STAG1: variants seen among roughly 807,000 people sequenced by gnomAD.
STAG1 encodes the protein STAG1 cohesin complex component.
STAG1 carries 26 observed loss-of-function variants against 170.9 expected under a neutral mutation model. The observed-to-expected ratio is 0.15, with a 90% CI of 0.11 to 0.21. The LOEUF (loss-of-function observed/expected upper bound fraction) is 0.21, where lower values mean the gene tolerates loss of function less well. STAG1 is among the 10% of genes least tolerant of loss of function. STAG1 has a pLI of 1.00. For synonymous variants in STAG1, 514 were observed against 497.7 expected, an observed-to-expected ratio of 1.03 and a Z score of -0.44; for missense variants, 964 against 1,509.5, an observed-to-expected ratio of 0.64 and a Z score of 5.99.
At chr3:136,479,083 T>C (rs1294277333) in intron 9 of STAG1, among the ~76,000 whole-genome samples, 1 of 151,102 alleles carries the variant, frequency 6.6e-6, no homozygotes, top group Non-Finnish European at 1.5e-5. Flanking sequence ...TTTTAATTTT[T>C]TTTTTTATTA....
intron 16 of STAG1, among the ~76,000 whole-genome samples, chr3:136,426,861 G>T (rs2088141037): frequency 6.6e-6 from 1 of 152,142 alleles, no homozygotes; most frequent in African/African-American, 2.4e-5. Flanking sequence ...GAGGTCAGGA[G>T]ATCGAGACCA....
intron 1 of STAG1, among the ~76,000 whole-genome samples, chr3:136,718,475 TA>T (rs1347501378): frequency 1.3e-5 from 2 of 152,224 alleles, no homozygotes; most frequent in Non-Finnish European, 2.9e-5. Flanking sequence ...TTTTAATCAT[TA>T]AACATTACAT....
chr3:136,573,492 C>T (rs752282541), intron 4 of STAG1, among the ~76,000 whole-genome samples: 7 of 151,892 alleles, frequency 4.6e-5, no homozygotes, highest in Admixed American at 1.3e-4. Flanking sequence ...ACAATGCAAA[C>T]CCATGGATAA....
chr3:136,598,812 T>G (rs1938546600), intron 4 of STAG1, among the ~76,000 whole-genome samples: 1 of 152,178 alleles, frequency 6.6e-6, no homozygotes, highest in African/African-American at 2.4e-5. Flanking sequence ...TACTGTGTAT[T>G]TCAACATTAA....
intron 4 of STAG1, chr3:136,586,761 G>T (rs778126377): frequency 6.8e-6 from 3 of 442,290 alleles, no homozygotes; most frequent in Admixed American, 2.4e-5. Flanking sequence ...ACTAACATGG[G>T]GAAGCAAGCA....
chr3:136,699,223 AAAAG>A (rs1337698022), intron 1 of STAG1, among the ~76,000 whole-genome samples: 4 of 152,336 alleles, frequency 2.6e-5, no homozygotes, highest in East Asian at 1.9e-4. Flanking sequence ...ATTGAAATAA[AAAAG>A]AAAGAATGAC....
At chr3:136,623,662 T>A (rs1939963317) in intron 2 of STAG1, among the ~76,000 whole-genome samples, 1 of 152,138 alleles carries the variant, frequency 6.6e-6, no homozygotes, top group African/African-American at 2.4e-5. Context: ...GTTATAAGTA[T>A]TAAGACATAC....
At chr3:136,443,137 C>T in intron 15 of STAG1, 150 bp downstream of exon 15, 7 of 501,350 alleles carry the variant, frequency 1.4e-5, no homozygotes, top group Non-Finnish European at 2.4e-5. Flanking sequence ...ATTGACACAT[C>T]CTTACTTGTT....
chr3:136,490,385 T>C (rs1350987191), intron 9 of STAG1, among the ~76,000 whole-genome samples: 1 of 152,188 alleles, frequency 6.6e-6, no homozygotes, highest in East Asian at 1.9e-4. Flanking sequence ...CTATTTTTCA[T>C]CTCATTTTTG....
At chr3:136,683,125 G>T (rs912125476) in intron 1 of STAG1, among the ~76,000 whole-genome samples, 1 of 152,166 alleles carries the variant, frequency 6.6e-6, no homozygotes, top group Non-Finnish European at 1.5e-5. Flanking sequence ...GAGAAAGTTA[G>T]TGTTTAACAG....
chr3:136,709,331 G>A (rs1943321530), intron 1 of STAG1, among the ~76,000 whole-genome samples: 2 of 151,916 alleles, frequency 1.3e-5, no homozygotes, highest in Non-Finnish European at 2.9e-5. Flanking sequence ...TGTTGCCCAG[G>A]CTGCCTAATT....
chr3:136,339,778 A>C (rs551881726), intron 32 of STAG1, among the ~76,000 whole-genome samples: 36 of 152,242 alleles, frequency 2.4e-4, no homozygotes, highest in African/African-American at 8.4e-4. Flanking sequence ...AACACCATGC[A>C]TTACTATTCC....
chr3:136,660,080 T>C (rs960721746), intron 1 of STAG1, among the ~76,000 whole-genome samples: 5 of 152,248 alleles, frequency 3.3e-5, no homozygotes, highest in African/African-American at 1.2e-4. Context: ...CGTGTGCGCA[T>C]GTGTGTCTGT....
chr3:136,384,642 C>T (rs1437658472), intron 22 of STAG1, among the ~76,000 whole-genome samples: 3 of 152,030 alleles, frequency 2.0e-5, no homozygotes, highest in East Asian at 3.9e-4. Context: ...TGATGGCATA[C>T]GCCTTTAGTC....
chr3:136,672,908 A>G (rs2107877547), intron 1 of STAG1, among the ~76,000 whole-genome samples: 1 of 152,342 alleles, frequency 6.6e-6, no homozygotes, highest in South Asian at 2.1e-4. Context: ...CTGACATGGA[A>G]TATTCAAGCT....
At chr3:136,707,688 T>C (rs543183292) in intron 1 of STAG1, among the ~76,000 whole-genome samples, 1 of 152,276 alleles carries the variant, frequency 6.6e-6, no homozygotes, top group South Asian at 2.1e-4. Flanking sequence ...AATGGGGAAG[T>C]GGACACATGC....
intron 21 of STAG1, among the ~76,000 whole-genome samples, chr3:136,403,224 T>TAAAAAAAAAAAAAAAAAAAAAAAAAAA (rs55678408): frequency 0.017 from 588 of 33,622 alleles, 1 homozygote; most frequent in Middle Eastern, 0.12. Context: ...GAGACTGTCT[T>TAAAAAAAAAAAAAAAAAAAAAAAAAAA]AAAAAAAAAA....
intron 7 of STAG1, among the ~76,000 whole-genome samples, chr3:136,510,505 G>A (rs1934005092): frequency 6.6e-6 from 1 of 152,000 alleles, no homozygotes; most frequent in African/African-American, 2.4e-5. Flanking sequence ...GGCCAGGCTG[G>A]TCTCGAATGA....
chr3:136,472,868 G>A (rs1054432433), intron 11 of STAG1, among the ~76,000 whole-genome samples: 1 of 152,052 alleles, frequency 6.6e-6, no homozygotes, highest in Non-Finnish European at 1.5e-5. Context: ...ATTTCATATG[G>A]GTTTATTTAA....
Sources: gnomAD v4.1 joint callset for allele counts (sites outside exome capture counted in the v4.1 genomes callset) on GRCh38, gnomAD v4.1.1 for gene constraint, MANE v1.5 for transcripts, NCBI Gene and HGNC (gene_info 2026-07-23, HGNC 2026-07-21) for gene names.